TPST1: variants seen among roughly 807,000 people sequenced by gnomAD.
TPST1 encodes the protein tyrosylprotein sulfotransferase 1, also known as protein-tyrosine sulfotransferase 1.
In TPST1, 20 loss-of-function variants were observed where a neutral mutation model predicts 34.8. That is an observed-to-expected ratio of 0.57 (90% CI 0.40 to 0.84). TPST1 has a LOEUF of 0.84. Ranked by LOEUF, TPST1 falls within the 40% of genes least tolerant of loss-of-function variation. The pLI, the probability that TPST1 is intolerant of heterozygous loss-of-function variation, is 0.00. For missense variants in TPST1, 353 were observed against 455.5 expected, an observed-to-expected ratio of 0.78 and a Z score of 2.05; for synonymous variants, 152 against 159.4, an observed-to-expected ratio of 0.95 and a Z score of 0.35.
chr7:66,343,166 C>T (rs977718422), intron 3 of TPST1, among the ~76,000 whole-genome samples: 1 of 152,270 alleles, frequency 6.6e-6, no homozygotes, highest in Middle Eastern at 3.4e-3. Context: ...GCTAAATGAA[C>T]TAATTTTCAG....
intron 1 of TPST1, among the ~76,000 whole-genome samples, chr7:66,211,560 A>G (rs966164033): frequency 9.2e-5 from 14 of 152,262 alleles, no homozygotes; most frequent in African/African-American, 3.4e-4. Context: ...AAATCAGTTG[A>G]TAAGTGATAT....
At chr7:66,300,805 G>C (rs945911182) in intron 3 of TPST1, among the ~76,000 whole-genome samples, 2 of 152,076 alleles carry the variant, frequency 1.3e-5, no homozygotes, top group Non-Finnish European at 2.9e-5. Flanking sequence ...AATTAGCTGG[G>C]TGTGGTGGCG....
intron 2 of TPST1, among the ~76,000 whole-genome samples, chr7:66,274,026 G>A (rs1021692227): frequency 1.3e-5 from 2 of 151,040 alleles, no homozygotes; most frequent in African/African-American, 2.4e-5. Context: ...TGGTAGAGAC[G>A]GGGTTTCACC....
At chr7:66,236,563 C>T (rs1226560740) in intron 1 of TPST1, among the ~76,000 whole-genome samples, 1 of 152,042 alleles carries the variant, frequency 6.6e-6, no homozygotes, top group African/African-American at 2.4e-5. Flanking sequence ...CAAACGGAAC[C>T]AATGTACTTC....
intron 3 of TPST1, among the ~76,000 whole-genome samples, chr7:66,323,895 A>C (rs879480266): frequency 1.6e-4 from 24 of 152,316 alleles, no homozygotes; most frequent in South Asian, 1.2e-3. Flanking sequence ...ACTTCTGTGT[A>C]TATATACAAA....
chr7:66,298,863 C>A (rs1487960053), intron 3 of TPST1, among the ~76,000 whole-genome samples: 1 of 152,060 alleles, frequency 6.6e-6, no homozygotes, highest in African/African-American at 2.4e-5. Context: ...GTGGCTCACA[C>A]CTGTAATCCC....
intron 1 of TPST1, among the ~76,000 whole-genome samples, chr7:66,224,918 T>C (rs1789619263): frequency 8.2e-6 from 1 of 122,460 alleles, no homozygotes; most frequent in Admixed American, 8.0e-5. Context: ...TTTTTTTTTT[T>C]TTTTTTTTTT....
chr7:66,206,404 T>C (rs778218979), intron 1 of TPST1, among the ~76,000 whole-genome samples: 1 of 152,206 alleles, frequency 6.6e-6, no homozygotes, highest in Non-Finnish European at 1.5e-5. Context: ...TCCAGGCGTT[T>C]TGTACTTTCC....
At chr7:66,328,682 C>T (rs1464203600) in intron 3 of TPST1, among the ~76,000 whole-genome samples, 1 of 150,660 alleles carries the variant, frequency 6.6e-6, no homozygotes, top group African/African-American at 2.4e-5. Flanking sequence ...GAAGTTGGGA[C>T]TATAGGCACA....
intron 3 of TPST1, among the ~76,000 whole-genome samples, chr7:66,342,681 A>G (rs769069738): frequency 6.6e-6 from 1 of 152,152 alleles, no homozygotes; most frequent in Non-Finnish European, 1.5e-5. Flanking sequence ...ACAAAGGGGA[A>G]CAGGCACAGC....
chr7:66,240,515 A>T lies in TPST1; in HGVS notation c.90A>T (p.Glu30Asp). 6.2e-7 allele frequency: 1 copy of T among 1,614,208 alleles called. No individual in the cohort carries two copies. Among genetic ancestry groups the T allele is most frequent in the Non-Finnish European group, 8.5e-7 (1 of 1,180,044 alleles). ...TVFYLGQHAM[E>D]CHHRIEERSQ... ...TTTACCTGGGCCAGCATGCCATGGA[A>T]TGCCATCACCGGATAGAGGAACGTA... Residue 30 changes from glutamate (E) to aspartate (D), a missense_variant, in exon 2 of 6, where the codon GAA becomes GAT. Coordinates refer to ENST00000304842, the MANE Select transcript of TPST1 (RefSeq NM_003596.4).
chr7:66,223,099 T>C (rs1789577479), intron 1 of TPST1, among the ~76,000 whole-genome samples: 1 of 152,122 alleles, frequency 6.6e-6, no homozygotes, highest in African/African-American at 2.4e-5. Context: ...TCTTTTACAT[T>C]AATTCAATGC....
intron 1 of TPST1, among the ~76,000 whole-genome samples, chr7:66,215,628 C>T (rs1246083207): frequency 2.6e-5 from 4 of 151,748 alleles, no homozygotes; most frequent in African/African-American, 9.7e-5. Context: ...CCCGCGTCGG[C>T]CTCCAAAGTG....
intron 3 of TPST1, among the ~76,000 whole-genome samples, chr7:66,327,503 G>A (rs189844287): frequency 5.9e-5 from 9 of 152,136 alleles, no homozygotes; most frequent in South Asian, 2.1e-4. Context: ...TGGGTGGATC[G>A]CTTGAACCCA....
At chr7:66,213,528 G>A (rs1584136665) in intron 1 of TPST1, among the ~76,000 whole-genome samples, 2 of 152,230 alleles carry the variant, frequency 1.3e-5, no homozygotes, top group South Asian at 4.2e-4. Flanking sequence ...GGCCGAGGCG[G>A]GCAGATCACG....
chr7:66,234,400 T>TACAC (rs56139529), intron 1 of TPST1, among the ~76,000 whole-genome samples: 2,123 of 142,922 alleles, frequency 0.015, 25 homozygotes, highest in Middle Eastern at 0.063. Flanking sequence ...AAAGCATGGC[T>TACAC]ACACACACAC....
rs1248286836 is a variant in TPST1 at position 66,241,290 on chromosome 7, T to C, written c.845+20T>C. On this transcript the variant is annotated intron_variant, in intron 2 of 5. Transcript: ENST00000304842. ...GTCAAAGTGAGTAGAAGATACGTTT[T>C]TTATTTTGACTCTATATTTAGCTAA... is the stretch of plus-strand genomic sequence containing the variant. 1 of 1,576,796 alleles carries C rather than the reference T, an allele frequency of 6.3e-7. No individual in the cohort carries two copies. The highest frequency in any genetic ancestry group is 1.4e-5 in the African/African-American group (1 of 73,480).
chr7:66,273,819 T>G lies in TPST1; in HGVS notation c.846-12692T>G, dbSNP rs550326440. 2.6e-5 allele frequency among the ~76,000 whole-genome samples: 4 copies of G among 152,142 alleles called. 1 individual carries two copies. Among genetic ancestry groups the G allele is most frequent in the Admixed American group, 2.6e-4 (4 of 15,284 alleles). ...GAAAAAAAAAAATTTTTTTTTTCTT[T>G]TGAGACAGGGTCTCACTCTGTCACC... is the stretch of plus-strand genomic sequence containing the variant. On this transcript the variant is annotated intron_variant, in intron 2 of 5. Coordinates refer to ENST00000304842, the MANE Select transcript of TPST1 (RefSeq NM_003596.4).
upstream of TPST1, among the ~76,000 whole-genome samples, chr7:66,204,984 G>A (rs963749766): frequency 6.6e-6 from 1 of 152,246 alleles, no homozygotes; most frequent in Non-Finnish European, 1.5e-5. Context: ...ACCCACGTTG[G>A]GGGTGGGGGC....
Sources: gnomAD v4.1 joint callset for allele counts (sites outside exome capture counted in the v4.1 genomes callset) on GRCh38, gnomAD v4.1.1 for gene constraint, MANE v1.5 for transcripts, NCBI Gene and HGNC (gene_info 2026-07-23, HGNC 2026-07-21) for gene names.